Variants in ACVR1 observed in about 807,000 individuals in gnomAD.
ACVR1 encodes the protein activin A receptor type 1, also known as activin receptor type-1.
In ACVR1, 38 loss-of-function variants were observed where a neutral mutation model predicts 57.1. That is an observed-to-expected ratio of 0.67 (90% CI 0.51 to 0.87). ACVR1 has a LOEUF of 0.87. Among genes scored for constraint, ACVR1 ranks in the 40% least tolerant of loss-of-function variants. The probability of loss-of-function intolerance (pLI) is 0.00; values close to 1 mark genes in which losing one functional copy is unlikely to be tolerated. For missense variants in ACVR1, 463 were observed against 638.2 expected, an observed-to-expected ratio of 0.73 and a Z score of 2.96; for synonymous variants, 212 against 228.1, an observed-to-expected ratio of 0.93 and a Z score of 0.63.
At chr2:157,865,389 G>C (rs769204931) in intron 1 of ACVR1, among the ~76,000 whole-genome samples, 4 of 152,188 alleles carry the variant, frequency 2.6e-5, no homozygotes, top group East Asian at 3.9e-4. Context: ...TCCAATTCAC[G>C]GCACAACCTA....
chr2:157,745,123 G>A (rs1417373441), intron 9 of ACVR1, among the ~76,000 whole-genome samples: 1 of 152,174 alleles, frequency 6.6e-6, no homozygotes, highest in East Asian at 1.9e-4. Context: ...AATTCTCATC[G>A]ATGTAACACA....
At chr2:157,858,319 G>C (rs1689603966) in intron 1 of ACVR1, among the ~76,000 whole-genome samples, 3 of 151,956 alleles carry the variant, frequency 2.0e-5, no homozygotes. Flanking sequence ...TCATCCCTTG[G>C]ACCAAGGTGA....
chr2:157,803,157 T>C lies in ACVR1; in HGVS notation c.-7-3657A>G, dbSNP rs568183447. Among the ~76,000 whole-genome samples, 11 of 152,186 alleles carry C rather than the reference T, an allele frequency of 7.2e-5. No individual in the cohort carries two copies. In the East Asian group the frequency reaches 9.6e-4, roughly 13 times the overall value. ...ATCTAAGAAACAATCACCACTGGCATATTTTCCACGTCACAAAGCCAGCAA... is the reference window on the plus strand; with the variant it reads ...ATCTAAGAAACAATCACCACTGGCACATTTTCCACGTCACAAAGCCAGCAA... On this transcript the variant is annotated intron_variant, in intron 2 of 10. Transcript: ENST00000434821.
intron 3 of ACVR1, 49 bp from the exon 4 acceptor site, chr2:157,780,649 C>A: frequency 1.3e-6 from 2 of 1,598,188 alleles, no homozygotes; most frequent in South Asian, 1.1e-5. Flanking sequence ...GAGGAATTAC[C>A]GTATGAGTTT....
chr2:157,809,609 A>T (rs532376752), intron 2 of ACVR1, among the ~76,000 whole-genome samples: 1 of 152,206 alleles, frequency 6.6e-6, no homozygotes, highest in South Asian at 2.1e-4. Context: ...AAAACCACCC[A>T]CTCGACCAGA....
chr2:157,766,200 G>A lies in ACVR1; in HGVS notation c.791-4C>T. On this transcript the variant is annotated splice_region_variant and splice_polypyrimidine_tract_variant and intron_variant, in intron 7 of 10. Transcript: ENST00000434821. ...GTCATGTCTGAAGCAATGAAACCTG[G>A]AGAGAGCAAGAAAAAAATTAATATA... is the stretch of plus-strand genomic sequence containing the variant. 1.2e-6 allele frequency: 2 copies of A among 1,613,850 alleles called. No individual in the cohort carries two copies. Among genetic ancestry groups the A allele is most frequent in the Admixed American group, 1.7e-5 (1 of 60,002 alleles).
chr2:157,781,110 T>C (rs900825083), intron 3 of ACVR1, among the ~76,000 whole-genome samples: 2 of 152,174 alleles, frequency 1.3e-5, no homozygotes, highest in African/African-American at 4.8e-5. Context: ...TTCTTGCAGG[T>C]ACATGGCAGA....
chr2:157,768,301 G>T (rs1167678859), intron 7 of ACVR1, among the ~76,000 whole-genome samples: 1 of 152,014 alleles, frequency 6.6e-6, no homozygotes, highest in African/African-American at 2.4e-5. Flanking sequence ...TTGGACATTA[G>T]TTATTCTTAA....
intron 1 of ACVR1, among the ~76,000 whole-genome samples, chr2:157,853,504 C>T (rs942851170): frequency 7.2e-5 from 11 of 152,176 alleles, no homozygotes; most frequent in Non-Finnish European, 1.3e-4. Flanking sequence ...GTCAGGGTTT[C>T]AGCACATCAA....
intron 1 of ACVR1, among the ~76,000 whole-genome samples, chr2:157,848,549 T>C (rs1415333686): frequency 6.6e-6 from 1 of 152,248 alleles, no homozygotes. Flanking sequence ...CTGTCCTTGC[T>C]GTGCATGTTC....
intron 1 of ACVR1, among the ~76,000 whole-genome samples, chr2:157,837,401 G>A (rs1397993030): frequency 6.6e-6 from 1 of 152,142 alleles, no homozygotes; most frequent in Non-Finnish European, 1.5e-5. Flanking sequence ...CAGAGAACGG[G>A]TTCAGGAAGT....
intron 3 of ACVR1, among the ~76,000 whole-genome samples, chr2:157,798,648 C>T (rs1437791810): frequency 6.6e-6 from 1 of 151,890 alleles, no homozygotes; most frequent in African/African-American, 2.4e-5. Flanking sequence ...CCACCTCAGC[C>T]TCCCAAGTAT....
intron 2 of ACVR1, among the ~76,000 whole-genome samples, chr2:157,801,452 A>T (rs965927682): frequency 6.6e-6 from 1 of 152,242 alleles, no homozygotes; most frequent in African/African-American, 2.4e-5. Flanking sequence ...GTAAGAAAAC[A>T]GTAGACTTAA....
chr2:157,804,019 T>G (rs921055309), intron 2 of ACVR1, among the ~76,000 whole-genome samples: 2 of 152,218 alleles, frequency 1.3e-5, no homozygotes, highest in Non-Finnish European at 2.9e-5. Context: ...AAAACACAGC[T>G]GGATTCTCAT....
chr2:157,831,198 T>C (rs1357889751), intron 1 of ACVR1, among the ~76,000 whole-genome samples: 1 of 152,232 alleles, frequency 6.6e-6, no homozygotes, highest in African/African-American at 2.4e-5. Flanking sequence ...CACATTGCTA[T>C]ATAATGTTAT....
At chr2:157,762,402 T>G (rs943070310) in intron 8 of ACVR1, among the ~76,000 whole-genome samples, 4 of 152,196 alleles carry the variant, frequency 2.6e-5, no homozygotes, top group African/African-American at 7.2e-5. Flanking sequence ...ATATATAGAA[T>G]CTGGTACTAT....
chr2:157,773,306 G>A (rs775336185), intron 6 of ACVR1, among the ~76,000 whole-genome samples: 11 of 152,112 alleles, frequency 7.2e-5, no homozygotes, highest in Admixed American at 5.9e-4. Flanking sequence ...TATAAAACAA[G>A]CTGTAAAAAA....
chr2:157,758,030 T>C lies in ACVR1; in HGVS notation c.1264+2850A>G, dbSNP rs372322719. On this transcript the variant is annotated intron_variant, in intron 9 of 10. Coordinates refer to ENST00000434821, the MANE Select transcript of ACVR1 (RefSeq NM_001111067.4). ...ATTAAATCCCCCCAATTAAAAAATA[T>C]AGACTTGGTTAAATAGATTAAAAAC... is the stretch of plus-strand genomic sequence containing the variant. Among the ~76,000 whole-genome samples, 13 of 152,020 alleles carry C rather than the reference T, an allele frequency of 8.6e-5. 1 individual carries two copies. The highest frequency in any genetic ancestry group is 7.9e-4 in the Admixed American group (12 of 15,266).
chr2:157,843,366 G>A (rs1218677224), intron 1 of ACVR1, among the ~76,000 whole-genome samples: 2 of 152,168 alleles, frequency 1.3e-5, no homozygotes, highest in African/African-American at 4.8e-5. Context: ...CCTAAAAAAT[G>A]AGTAATAATA....
Sources: allele counts gnomAD v4.1 joint callset (sites outside exome capture counted in the v4.1 genomes callset), GRCh38; gene constraint gnomAD v4.1.1; transcripts MANE v1.5; gene names NCBI Gene and HGNC (gene_info 2026-07-23, HGNC 2026-07-21).